CERS6: variants seen among roughly 807,000 people sequenced by gnomAD.
The protein encoded by CERS6 is LAG1 homolog, ceramide synthase 6.
CERS6 carries 26 observed loss-of-function variants against 56.8 expected under a neutral mutation model. The observed-to-expected ratio is 0.46, with a 90% CI of 0.34 to 0.63. The LOEUF is 0.63. CERS6 is among the 30% of genes least tolerant of loss of function. CERS6 has a pLI of 0.01. For synonymous variants in CERS6, 164 were observed against 173.3 expected (o/e 0.95, Z 0.42); for missense variants, 415 against 467.5 (o/e 0.89, Z 1.04).
chr2:168,545,983 A>G (rs2105371574), intron 1 of CERS6, among the ~76,000 whole-genome samples: 1 of 152,242 alleles, frequency 6.6e-6, no homozygotes, highest in South Asian at 2.1e-4. Context: ...CACCAAATGC[A>G]TTTTGTGGTC....
chr2:168,631,539 A>G (rs1411701878), intron 4 of CERS6, among the ~76,000 whole-genome samples: 1 of 119,090 alleles, frequency 8.4e-6, no homozygotes, highest in Non-Finnish European at 1.6e-5. Flanking sequence ...TACATATTAA[A>G]TATATTATAT....
intron 1 of CERS6, among the ~76,000 whole-genome samples, chr2:168,457,057 G>T (rs932944961): frequency 5.3e-5 from 8 of 152,346 alleles, no homozygotes; most frequent in African/African-American, 1.9e-4. Context: ...TTCCGGACGC[G>T]CGGCCCGGAG....
At position 168,542,554 on chromosome 2, in the gene CERS6, C is replaced by T. The variant is rs958606271; in HGVS notation, c.171-5042C>T. Among the ~76,000 whole-genome samples, 4 of 152,218 alleles carry T rather than the reference C, an allele frequency of 2.6e-5. 1 individual carries two copies. Among genetic ancestry groups the T allele is most frequent in the South Asian group, 4.1e-4 (2 of 4,830 alleles). ...GTTACAGTTTGAAAGGACTGAAAGC[C>T]TCTGGCCATGCTACCCACTTGAGAT... On this transcript the variant is annotated intron_variant, in intron 1 of 9. Transcript: ENST00000305747.
At chr2:168,468,806 G>A (rs902141399) in intron 1 of CERS6, among the ~76,000 whole-genome samples, 5 of 151,988 alleles carry the variant, frequency 3.3e-5, no homozygotes, top group African/African-American at 1.2e-4. Flanking sequence ...TTCCTCTGAG[G>A]AAGATGTTGA....
chr2:168,641,934 G>C (rs1407050924), intron 4 of CERS6, among the ~76,000 whole-genome samples: 1 of 149,628 alleles, frequency 6.7e-6, no homozygotes, highest in Non-Finnish European at 1.5e-5. Flanking sequence ...TAATAATTTT[G>C]TTAAAAATTT....
chr2:168,548,969 GA>G (rs1234842674), intron 2 of CERS6, among the ~76,000 whole-genome samples: 1 of 151,896 alleles, frequency 6.6e-6, no homozygotes, highest in Non-Finnish European at 1.5e-5. Context: ...GTATTTAAAA[GA>G]AAAAAATGTA....
In CERS6 at chr2:168,774,427, C is replaced by T. The variant is rs1684946776; in HGVS notation, c.*4765C>T. 1 of 152,082 alleles carries T rather than the reference C, an allele frequency of 6.6e-6. No individual in the cohort carries two copies. Among genetic ancestry groups the T allele is most frequent in the South Asian group, 2.1e-4 (1 of 4,824 alleles). The allele number at this position is 152,082 out of a possible 1,614,324, so 9.4% of individuals were successfully genotyped here. ...GTTTTTCTGGAAAAAGTAGTATGCCCATGTATGTGTGTTTTTCTTAACACA... is the reference window on the plus strand; with the variant it reads ...GTTTTTCTGGAAAAAGTAGTATGCCTATGTATGTGTGTTTTTCTTAACACA... On this transcript the variant is annotated 3_prime_UTR_variant, in exon 10 of 10. Transcript: ENST00000305747.
chr2:168,647,884 G>A (rs111749774), intron 4 of CERS6, among the ~76,000 whole-genome samples: 1,768 of 152,130 alleles, frequency 0.012, 43 homozygotes, highest in African/African-American at 0.04. Context: ...ATGGATTAGC[G>A]TTTTGAGGTG....
intron 1 of CERS6, among the ~76,000 whole-genome samples, chr2:168,491,624 T>C (rs1408069964): frequency 1.3e-5 from 2 of 152,212 alleles, no homozygotes; most frequent in Non-Finnish European, 2.9e-5. Flanking sequence ...TCAAGTTTTC[T>C]AGCTTCTCTT....
intron 4 of CERS6, among the ~76,000 whole-genome samples, chr2:168,668,178 T>C (rs1459297024): frequency 6.6e-6 from 1 of 152,232 alleles, no homozygotes; most frequent in Non-Finnish European, 1.5e-5. Context: ...TTCTTGACTT[T>C]GCATTGTATC....
chr2:168,707,429 A>G (rs973275233), intron 6 of CERS6, among the ~76,000 whole-genome samples: 3 of 152,182 alleles, frequency 2.0e-5, no homozygotes, highest in Non-Finnish European at 2.9e-5. Flanking sequence ...TAATGGAACA[A>G]ACATTTCCCA....
At chr2:168,585,524 G>T (rs1683520272) in intron 3 of CERS6, among the ~76,000 whole-genome samples, 1 of 152,202 alleles carries the variant, frequency 6.6e-6, no homozygotes, top group Non-Finnish European at 1.5e-5. Context: ...TTCTGCCTCA[G>T]TAAGACTCCC....
intron 6 of CERS6, among the ~76,000 whole-genome samples, chr2:168,704,354 C>T (rs1452514435): frequency 6.6e-6 from 1 of 152,088 alleles, no homozygotes; most frequent in East Asian, 1.9e-4. Context: ...CCACCTCTCT[C>T]AGGAGGTCTT....
At position 168,480,716 on chromosome 2, in the gene CERS6, T is replaced by C. The variant is rs141513517; in HGVS notation, c.170+24098T>C. The stretch of plus-strand genomic sequence containing the variant: ...TGAGCTTGGAGGAATAGAAATGCTT[T>C]TGAACTTCTGCTGAGTTTTTTTGAA... On this transcript the variant is annotated intron_variant, in intron 1 of 9. Transcript: ENST00000305747. Among the ~76,000 whole-genome samples the C allele has an allele frequency of 6.4e-4, 98 of 152,338 alleles. 1 individual carries two copies. The highest frequency in any genetic ancestry group is 2.0e-3 in the African/African-American group (82 of 41,584).
At chr2:168,474,599 G>T (rs1209725859) in intron 1 of CERS6, among the ~76,000 whole-genome samples, 1 of 152,126 alleles carries the variant, frequency 6.6e-6, no homozygotes, top group Non-Finnish European at 1.5e-5. Context: ...AGGTTGGGAT[G>T]CTGGTTAGGA....
chr2:168,697,045 G>A (rs1311344230), intron 6 of CERS6, among the ~76,000 whole-genome samples: 1 of 152,146 alleles, frequency 6.6e-6, no homozygotes, highest in Non-Finnish European at 1.5e-5. Context: ...TATCCAAGTG[G>A]CAGCTGAAAA....
chr2:168,690,867 A>C (rs1192931623), intron 4 of CERS6, among the ~76,000 whole-genome samples, 167 bp from the exon 5 acceptor site: 1 of 152,204 alleles, frequency 6.6e-6, no homozygotes, highest in Non-Finnish European at 1.5e-5. Context: ...ATTGTATGAT[A>C]CTAGTTGCTT....
At position 168,456,504 on chromosome 2, in the gene CERS6, T is replaced by C; in HGVS notation, c.56T>C (p.Val19Ala). Reference sequence around the variant, plus strand: ...GAGAGGTTTTGGCTCCCGCACAATGTCACCTGGGCGGACCTGAAGAACACG... The same window carrying C: ...GAGAGGTTTTGGCTCCCGCACAATGCCACCTGGGCGGACCTGAAGAACACG... ...WNERFWLPHN[V>A]TWADLKNTEE... is the part of the protein sequence containing the mutation. The change falls in exon 1 of 10, where the codon GTC (valine) becomes GCC (alanine). Residue 19 changes from valine (V) to alanine (A), a missense_variant. Val to Ala is a moderately conservative substitution (Grantham distance 64). Transcript: ENST00000305747. This position sits in a 1 kb window ranked among gnomAD's most constrained non-coding sequence, Gnocchi z 4.1. 1 of 1,613,972 alleles carries C rather than the reference T, an allele frequency of 6.2e-7. No individual in the cohort carries two copies. Among genetic ancestry groups the C allele is most frequent in the South Asian group, 1.1e-5 (1 of 91,082 alleles).
rs1352327398 is a variant in CERS6 at position 168,456,332 on chromosome 2, A to AGCAGCG, written c.-114_-109dup. The AGCAGCG allele has an allele frequency of 9.0e-6, 5 of 556,862 alleles. No homozygotes were observed. Among genetic ancestry groups the AGCAGCG allele is most frequent in the African/African-American group, 8.1e-5 (4 of 49,084 alleles). The allele number at this position is 556,862 out of a possible 1,614,324, so 34.5% of individuals were successfully genotyped here. On this transcript the variant is annotated 5_prime_UTR_variant, in exon 1 of 10. Transcript: ENST00000305747. The surrounding 1 kb of genome is among the most constrained non-coding windows in gnomAD (Gnocchi z 4.1). ...GGAGGAGGCGGCGGCGGCGGGCGGG[A>AGCAGCG]GCAGCGGCGGCGGCGGCACAGGCTC...
Sources: allele counts gnomAD v4.1 joint callset (sites outside exome capture counted in the v4.1 genomes callset), GRCh38; gene constraint gnomAD v4.1.1; non-coding constraint Gnocchi (gnomAD v3.1); transcripts MANE v1.5; gene names NCBI Gene and HGNC (gene_info 2026-07-23, HGNC 2026-07-21).